Variants in DNAH3 observed in about 807,000 individuals in gnomAD.
DNAH3 encodes axonemal beta dynein heavy chain 3.
Under a neutral mutation model 432.5 loss-of-function variants are expected in DNAH3, and 332 were observed. The ratio of observed to expected loss-of-function variants is 0.77; its 90% CI spans 0.70 to 0.84. The LOEUF (loss-of-function observed/expected upper bound fraction) is 0.84. Ranked by LOEUF, DNAH3 falls within the 40% of genes least tolerant of loss-of-function variation. The probability of loss-of-function intolerance (pLI) is 0.00; values close to 1 mark genes in which losing one functional copy is unlikely to be tolerated. For synonymous variants in DNAH3, 1,956 were observed against 1,900.2 expected (o/e 1.03, Z -0.76); for missense variants, 4,861 against 5,114.0 (o/e 0.95, Z 1.51).
At chr16:20,969,328 A>G (rs548139327) in intron 52 of DNAH3, among the ~76,000 whole-genome samples, 2 of 152,068 alleles carry the variant, frequency 1.3e-5, no homozygotes, top group Admixed American at 1.3e-4. Flanking sequence ...ATGCGTGTAT[A>G]GGTGTCTGGG....
intron 49 of DNAH3, 145 bp from the exon 50 acceptor site, chr16:20,979,691 A>G (rs1227347753): frequency 1.4e-6 from 1 of 708,434 alleles, no homozygotes; most frequent in Non-Finnish European, 2.4e-6. Flanking sequence ...GGACATGTCA[A>G]CAGAGCTGAG....
At chr16:21,118,328 G>A (rs1186760145) in intron 11 of DNAH3, among the ~76,000 whole-genome samples, 3 of 152,182 alleles carry the variant, frequency 2.0e-5, no homozygotes, top group Non-Finnish European at 4.4e-5. Context: ...AAAAAGAAGA[G>A]ATGTACTAGA....
intron 58 of DNAH3, among the ~76,000 whole-genome samples, chr16:20,943,598 G>A (rs1288181626): frequency 6.6e-6 from 1 of 152,030 alleles, no homozygotes; most frequent in Non-Finnish European, 1.5e-5. Flanking sequence ...CCAATTCTTT[G>A]ACACTCACAC....
chr16:21,156,182 TTTA>T (rs1035126367), intron 1 of DNAH3, among the ~76,000 whole-genome samples: 4 of 147,864 alleles, frequency 2.7e-5, no homozygotes, highest in African/African-American at 9.9e-5. Context: ...TTTATTTTAT[TTTA>T]TTTTATTTTA....
intron 41 of DNAH3, among the ~76,000 whole-genome samples, chr16:21,005,290 G>T: frequency 5.8e-5 from 6 of 103,282 alleles, no homozygotes; most frequent in Admixed American, 1.3e-4. Context: ...TTCCTTCCTT[G>T]CTTCCCTCCT....
At chr16:21,042,127 A>G in exon 32 of DNAH3, 1 of 1,613,714 alleles carries the variant, frequency 6.2e-7, no homozygotes, top group Non-Finnish European at 8.5e-7. Flanking sequence ...CCCTTCAAAG[A>G]TGAATGTCTT....
chr16:20,998,442 G>A (rs927193550), intron 43 of DNAH3, among the ~76,000 whole-genome samples: 78 of 151,558 alleles, frequency 5.1e-4, no homozygotes, highest in African/African-American at 1.8e-3. Context: ...TAGTAGAGAC[G>A]GGGTTTCACC....
rs984341759 is a variant in DNAH3 at position 21,083,188 on chromosome 16, G to T, written c.2878-1461C>A. 9.2e-5 allele frequency among the ~76,000 whole-genome samples: 14 copies of T among 151,816 alleles called. No homozygotes were observed. The East Asian group carries it at 2.7e-3, about 30-fold the overall frequency. ...ATGGCACCACGCCCGGCTAATTTTT[G>T]TATTTTTAGTAGAAATGGGGTTTCG... On this transcript the variant is annotated intron_variant, in intron 19 of 61. Transcript: ENST00000261383.
At chr16:20,985,554 G>A in exon 48 of DNAH3, 3 of 1,614,146 alleles carry the variant, frequency 1.9e-6, no homozygotes, top group Non-Finnish European at 2.5e-6. Flanking sequence ...TGATGTTGTT[G>A]AATTCTTCCA....
At chr16:21,122,829 G>A (rs1287172671) in intron 9 of DNAH3, among the ~76,000 whole-genome samples, 1 of 150,426 alleles carries the variant, frequency 6.6e-6, no homozygotes, top group Non-Finnish European at 1.5e-5. Flanking sequence ...TTTTATTTGT[G>A]TCCTTAGAGA....
Position 21,067,776 on chromosome 16 carries a change from G to GGAGAGAGAGAGAGAGAGAGAGAGAGA in DNAH3, c.3382-383_3382-358dup, listed in dbSNP as rs60889532. ...CAGTCTTGGGGGGGGGGGTGGGGAG[G>GGAGAGAGAGAGAGAGAGAGAGAGAGA]GAGAGAGAGAGAGAGAGAGAGAGAG... On this transcript the variant is annotated intron_variant, in intron 23 of 61. Transcript: ENST00000261383. 4.9e-3 allele frequency among the ~76,000 whole-genome samples: 199 copies of GGAGAGAGAGAGAGAGAGAGAGAGAGA among 40,876 alleles called. 6 individuals carry two copies. The highest frequency in any genetic ancestry group is 0.039 in the East Asian group (20 of 518). 26.8% of individuals were successfully genotyped at this position (40,876 alleles called of 152,430 possible).
chr16:20,976,181 AT>A (rs1255382413), intron 50 of DNAH3, among the ~76,000 whole-genome samples: 1 of 151,640 alleles, frequency 6.6e-6, no homozygotes, highest in African/African-American at 2.4e-5. Flanking sequence ...TCTCTACAAA[AT>A]TTTTTTTTAA....
At position 20,980,162 on chromosome 16, in the gene DNAH3, G is replaced by GAAA. The variant is rs10667143; in HGVS notation, c.7860-619_7860-617dup. ...TTTGGAGATATTCCCTGACTTTGTA[G>GAAA]AAAAAAAAATATATATATATATATA... On this transcript the variant is annotated intron_variant, in intron 49 of 61. Coordinates refer to ENST00000261383, the Ensembl canonical transcript of DNAH3. Among the ~76,000 whole-genome samples the GAAA allele has an allele frequency of 5.5e-3, 688 of 124,034 alleles. 4 individuals are homozygous for GAAA. Among genetic ancestry groups the GAAA allele is most frequent in the Non-Finnish European group, 8.3e-3 (523 of 62,750 alleles). 81.4% of individuals were successfully genotyped at this position (124,034 alleles called of 152,430 possible).
At chr16:21,014,395 A>G (rs1478427227) in intron 41 of DNAH3, among the ~76,000 whole-genome samples, 1 of 152,246 alleles carries the variant, frequency 6.6e-6, no homozygotes, top group East Asian at 1.9e-4. Flanking sequence ...GCATTTGACA[A>G]AATCCAACAT....
chr16:21,115,864 G>C (rs2092186571), intron 12 of DNAH3, among the ~76,000 whole-genome samples: 1 of 152,122 alleles, frequency 6.6e-6, no homozygotes. Context: ...CACGAGGGCA[G>C]GGCTTCCAAA....
intron 20 of DNAH3, among the ~76,000 whole-genome samples, chr16:21,078,494 T>C (rs915818274): frequency 1.3e-5 from 2 of 152,186 alleles, no homozygotes; most frequent in Non-Finnish European, 1.5e-5. Flanking sequence ...AGTGTGCATA[T>C]AGGGAATAAT....
chr16:20,967,205 C>T (rs1285243269), intron 52 of DNAH3, among the ~76,000 whole-genome samples: 1 of 152,120 alleles, frequency 6.6e-6, no homozygotes, highest in Non-Finnish European at 1.5e-5. Context: ...ATTCAAGGTA[C>T]CCCGAACTAA....
chr16:21,071,894 A>G (rs2090796987), intron 21 of DNAH3, among the ~76,000 whole-genome samples: 1 of 152,094 alleles, frequency 6.6e-6, no homozygotes. Flanking sequence ...TTGGGTAGGA[A>G]GATCGGCTGC....
In DNAH3 at chr16:20,949,962, G is replaced by A. The variant is rs142651385; in HGVS notation, c.11189-1325C>T. Reference sequence around the variant, plus strand: ...GCTATGGTCTGAAGAGGAACCCTAGGATGTGCTTCTGCATGACCTGGAACT... The same window carrying A: ...GCTATGGTCTGAAGAGGAACCCTAGAATGTGCTTCTGCATGACCTGGAACT... On this transcript the variant is annotated intron_variant, in intron 56 of 61. Transcript: ENST00000261383. Among the ~76,000 whole-genome samples the A allele has an allele frequency of 1.9e-3, 292 of 152,270 alleles. 2 individuals are homozygous for A. The highest frequency in any genetic ancestry group is 6.7e-3 in the African/African-American group (279 of 41,570).
Sources: allele counts gnomAD v4.1 joint callset (sites outside exome capture counted in the v4.1 genomes callset), GRCh38; gene constraint gnomAD v4.1.1; transcripts MANE v1.5; gene names NCBI Gene and HGNC (gene_info 2026-07-23, HGNC 2026-07-21).